Variants in TRAF1 observed in about 807,000 individuals in gnomAD.
TRAF1 encodes the protein TNF receptor associated factor 1, also known as TNF receptor-associated factor 1.
TRAF1 carries 23 observed loss-of-function variants against 40.9 expected under a neutral mutation model. The observed-to-expected ratio is 0.56, with a 90% CI of 0.40 to 0.80. The LOEUF (loss-of-function observed/expected upper bound fraction) is 0.80, where lower values mean the gene tolerates loss of function less well. Ranked by LOEUF, TRAF1 falls within the 30% of genes least tolerant of loss-of-function variation. The pLI is 0.00. For missense variants in TRAF1, 477 were observed against 528.7 expected (o/e 0.90, Z 0.96); for synonymous variants, 206 against 218.8 (o/e 0.94, Z 0.52).
At chr9:120,911,057 G>A (rs1274544245) in intron 6 of TRAF1, among the ~76,000 whole-genome samples, 2 of 152,216 alleles carry the variant, frequency 1.3e-5, no homozygotes, top group East Asian at 3.9e-4. Context: ...ATTCCTATTT[G>A]CAGAATGGGA....
intron 2 of TRAF1, 62 bp from the exon 3 acceptor site, chr9:120,923,854 C>G: frequency 7.0e-7 from 1 of 1,434,502 alleles, no homozygotes; most frequent in Non-Finnish European, 9.8e-7. Context: ...CATCCACTCT[C>G]CTGACAGCTC....
rs2046448601 is a variant in TRAF1 at position 120,902,772 on chromosome 9, T to C, written c.*2248A>G. The C allele has an allele frequency of 6.6e-6, 1 of 152,264 alleles. No individual in the cohort carries two copies. Among genetic ancestry groups the C allele is most frequent in the African/African-American group, 2.4e-5 (1 of 41,460 alleles). The allele number at this position is 152,264 out of a possible 1,614,324, so 9.4% of individuals were successfully genotyped here. On this transcript the variant is annotated 3_prime_UTR_variant, in exon 8 of 8. Coordinates refer to ENST00000373887, the MANE Select transcript of TRAF1 (RefSeq NM_005658.5). ...TGCTTTCTCTAAGCTTCTCCTACTC[T>C]CAATCATAATGATCTACTTATCTGC...
At chr9:120,925,698 C>T (rs1350456344) in intron 2 of TRAF1, among the ~76,000 whole-genome samples, 1 of 152,256 alleles carries the variant, frequency 6.6e-6, no homozygotes, top group Non-Finnish European at 1.5e-5. Context: ...AGCCTCGAGG[C>T]TCTCCTCGGT....
chr9:120,914,757 T>C (rs2046557874), intron 3 of TRAF1, among the ~76,000 whole-genome samples: 1 of 152,168 alleles, frequency 6.6e-6, no homozygotes. Context: ...TCTGCATCCC[T>C]CCTTGGCCAT....
At chr9:120,913,060 C>T (rs2046540480) in intron 5 of TRAF1, among the ~76,000 whole-genome samples, 1 of 152,106 alleles carries the variant, frequency 6.6e-6, no homozygotes, top group Non-Finnish European at 1.5e-5. Context: ...TGGAATATGT[C>T]CTGCACTGGA....
chr9:120,910,938 G>GA (rs1197450004), intron 6 of TRAF1, among the ~76,000 whole-genome samples: 2 of 152,186 alleles, frequency 1.3e-5, no homozygotes, highest in African/African-American at 4.8e-5. Context: ...CTGAGGCCAC[G>GA]GTGTTCACTT....
At chr9:120,907,507 A>G (rs1022006404) in intron 7 of TRAF1, among the ~76,000 whole-genome samples, 4 of 152,198 alleles carry the variant, frequency 2.6e-5, no homozygotes, top group Non-Finnish European at 5.9e-5. Context: ...AACTGGCTAT[A>G]TCGTTTGGTA....
intron 2 of TRAF1, among the ~76,000 whole-genome samples, chr9:120,925,175 T>C (rs2046630992): frequency 6.6e-6 from 1 of 152,162 alleles, no homozygotes; most frequent in African/African-American, 2.4e-5. Context: ...GGTCATCACA[T>C]GAGATAGTTT....
rs765910221 is a variant in TRAF1 at position 120,914,310 on chromosome 9, A to T, written c.229-10T>A. The T allele has an allele frequency of 6.6e-7, 1 of 1,504,458 alleles. No individual in the cohort carries two copies. Among genetic ancestry groups the T allele is most frequent in the Non-Finnish European group, 9.0e-7 (1 of 1,114,786 alleles). The allele number at this position is 1,504,458 out of a possible 1,614,324, so 93.2% of individuals were successfully genotyped here. ...CCACCTCGGGGTGAGCCTGGAAATA[A>T]TAATCACATCACTGAATGTTATAGC... On this transcript the variant is annotated splice_polypyrimidine_tract_variant and intron_variant, in intron 3 of 7. Transcript: ENST00000373887.
At chr9:120,919,734 C>T (rs1465416194) in intron 3 of TRAF1, among the ~76,000 whole-genome samples, 1 of 152,198 alleles carries the variant, frequency 6.6e-6, no homozygotes, top group Non-Finnish European at 1.5e-5. Flanking sequence ...TCCAGGAAGC[C>T]CTGCCTGATT....
intron 6 of TRAF1, among the ~76,000 whole-genome samples, chr9:120,909,683 A>G (rs1327540885): frequency 1.3e-5 from 2 of 152,220 alleles, no homozygotes; most frequent in African/African-American, 2.4e-5. Context: ...GGGGTTGCCA[A>G]TGCCACTGGT....
At position 120,904,964 on chromosome 9, in the gene TRAF1, C is replaced by G. The variant is rs1310653557; in HGVS notation, c.*56G>C. On this transcript the variant is annotated 3_prime_UTR_variant, in exon 8 of 8. Transcript: ENST00000373887. ...CTTGGGTGCCAAGGGCAGGGCATCA[C>G]AGTCCTCTGGCTAGCTCCCTTCTGA... 6.5e-7 allele frequency: 1 copy of G among 1,541,024 alleles called. No individual in the cohort carries two copies. Among genetic ancestry groups the G allele is most frequent in the African/African-American group, 1.4e-5 (1 of 73,498 alleles).
At chr9:120,919,187 C>T (rs2046588409) in intron 3 of TRAF1, among the ~76,000 whole-genome samples, 1 of 152,214 alleles carries the variant, frequency 6.6e-6, no homozygotes, top group South Asian at 2.1e-4. Flanking sequence ...TCACAAGTGG[C>T]CCCTGTGTGA....
rs576383918 is a variant in TRAF1, at chr9:120,913,293, C to T, written c.705+35G>A. The T allele has an allele frequency of 5.8e-6, 9 of 1,563,206 alleles. No individual in the cohort carries two copies. In the African/African-American group the frequency reaches 1.1e-4, roughly 19 times the overall value. On this transcript the variant is annotated intron_variant, in intron 5 of 7. Transcript: ENST00000373887. ...GCTCTGGAGACAGGATGGGGCTCAG[C>T]CGGGCTTGAAGGCAAACCTGCCTCC...
intron 3 of TRAF1, among the ~76,000 whole-genome samples, chr9:120,918,495 C>G (rs1458780490): frequency 6.6e-6 from 1 of 151,988 alleles, no homozygotes; most frequent in East Asian, 1.9e-4. Context: ...TTAAGCACTG[C>G]CCCGGGACAT....
chr9:120,918,107 C>T (rs891746512), intron 3 of TRAF1, among the ~76,000 whole-genome samples: 2 of 152,120 alleles, frequency 1.3e-5, no homozygotes, highest in Non-Finnish European at 2.9e-5. Context: ...AACCAACTCG[C>T]CAATACCGTG....
At chr9:120,916,797 G>A (rs763521721) in intron 3 of TRAF1, among the ~76,000 whole-genome samples, 12 of 151,858 alleles carry the variant, frequency 7.9e-5, no homozygotes, top group Non-Finnish European at 1.2e-4. Context: ...CAGGGAGACC[G>A]TGCTGGCTTC....
At chr9:120,913,816 A>G in intron 4 of TRAF1, 78 bp from the exon 5 acceptor site, 1 of 1,437,172 alleles carries the variant, frequency 7.0e-7, no homozygotes, top group Non-Finnish European at 9.3e-7. Context: ...CCTGCTATCA[A>G]AGGTCACCAA....
At chr9:120,915,702 C>A (rs10985090) in intron 3 of TRAF1, among the ~76,000 whole-genome samples, 15,697 of 151,720 alleles carry the variant, frequency 0.1, 1,191 homozygotes, top group African/African-American at 0.21. Flanking sequence ...GTCTTGGTGG[C>A]GTACACCTAT....
Sources: allele counts gnomAD v4.1 joint callset (sites outside exome capture counted in the v4.1 genomes callset), GRCh38; gene constraint gnomAD v4.1.1; transcripts MANE v1.5; gene names NCBI Gene and HGNC (gene_info 2026-07-23, HGNC 2026-07-21).